PLEKHG5: variants seen among roughly 807,000 people sequenced by gnomAD.
The protein encoded by PLEKHG5 is pleckstrin homology and RhoGEF domain containing G5.
In PLEKHG5, 52 loss-of-function variants were observed where a neutral mutation model predicts 103.8. That is an observed-to-expected ratio of 0.50 (90% CI 0.40 to 0.63). The LOEUF (loss-of-function observed/expected upper bound fraction) is 0.63. PLEKHG5 is among the 30% of genes least tolerant of loss of function. The probability of loss-of-function intolerance (pLI) is 0.00; values close to 1 mark genes in which losing one functional copy is unlikely to be tolerated. For missense variants in PLEKHG5, 1,205 were observed against 1,347.6 expected, an observed-to-expected ratio of 0.89 and a Z score of 1.66; for synonymous variants, 592 against 575.5, an observed-to-expected ratio of 1.03 and a Z score of -0.41.
chr1:6,509,031 GC>G (rs1638404384), intron 1 of PLEKHG5, among the ~76,000 whole-genome samples: 1 of 152,208 alleles, frequency 6.6e-6, no homozygotes, highest in Non-Finnish European at 1.5e-5. Flanking sequence ...GGAGCTAGAG[GC>G]CCGAGAGAGG....
chr1:6,504,465 C>T (rs1035852832), intron 1 of PLEKHG5, among the ~76,000 whole-genome samples: 1 of 152,222 alleles, frequency 6.6e-6, no homozygotes, highest in Non-Finnish European at 1.5e-5. Context: ...CACATTCCCC[C>T]TCCTCCACAG....
At chr1:6,474,621 C>A (rs1311706675) in intron 5 of PLEKHG5, 34 bp from the exon 6 acceptor site, 3 of 1,611,596 alleles carry the variant, frequency 1.9e-6, no homozygotes, top group South Asian at 2.2e-5. Flanking sequence ...TGTGTTAGAA[C>A]CAGGCGGCCA....
chr1:6,485,835 C>T, intron 1 of PLEKHG5: 1 of 982,072 alleles, frequency 1.0e-6, no homozygotes, highest in Non-Finnish European at 1.2e-6. Context: ...GGTACCCCCA[C>T]CTCTGCGCCT....
chr1:6,471,924 C>T, intron 10 of PLEKHG5, 116 bp from the exon 11 acceptor site: 2 of 1,031,338 alleles, frequency 1.9e-6, no homozygotes, highest in Admixed American at 4.0e-5. Context: ...GGAGGCCCCA[C>T]AGCAGCCACG....
chr1:6,518,520 T>G (rs1184629342), intron 1 of PLEKHG5, among the ~76,000 whole-genome samples: 1 of 147,062 alleles, frequency 6.8e-6, no homozygotes, highest in Non-Finnish European at 1.5e-5. Context: ...TATCGCACCA[T>G]TGCACTCCAG....
chr1:6,474,652 G>A (rs926159758), intron 5 of PLEKHG5, 65 bp from the exon 6 acceptor site: 19 of 1,226,492 alleles, frequency 1.5e-5, no homozygotes, highest in South Asian at 5.5e-5. Flanking sequence ...CTTGGGCCCC[G>A]CCCCCACGAG....
At chr1:6,479,748 A>C (rs1271075523) in intron 1 of PLEKHG5, among the ~76,000 whole-genome samples, 1 of 152,060 alleles carries the variant, frequency 6.6e-6, no homozygotes, top group African/African-American at 2.4e-5. Flanking sequence ...GTAGCTGGGA[A>C]TACTAGGTGC....
intron 1 of PLEKHG5, among the ~76,000 whole-genome samples, chr1:6,513,497 C>T (rs941463362): frequency 1.4e-4 from 22 of 152,354 alleles, no homozygotes; most frequent in African/African-American, 4.8e-4. Context: ...GGGGAAGAGG[C>T]GGAAATGAAG....
chr1:6,490,379 A>AG lies in PLEKHG5; in HGVS notation c.-88+1257dup, dbSNP rs577960626. 1.0e-4 allele frequency: 88 copies of AG among 880,738 alleles called. No individual in the cohort carries two copies. The African/African-American group carries it at 1.5e-3, about 15-fold the overall frequency. 54.6% of individuals were successfully genotyped at this position (880,738 alleles called of 1,614,324 possible). A position where few individuals can be genotyped will look rare whatever the true frequency, so the allele number is the denominator to read the frequency against. ...GAATCCGGGTTCTGTCCATCGGTTTAGGGGGGTCCTGGCGCCTAGTCCCAC... is the reference window on the plus strand; with the variant it reads ...GAATCCGGGTTCTGTCCATCGGTTTAGGGGGGGTCCTGGCGCCTAGTCCCAC... On this transcript the variant is annotated intron_variant, in intron 1 of 20. Transcript: ENST00000377728. This position sits in a 1 kb window ranked among gnomAD's most constrained non-coding sequence, Gnocchi z 8.0.
In PLEKHG5 at chr1:6,490,950, G is replaced by A. The variant is rs531506938; in HGVS notation, c.-88+687C>T. 3.9e-5 allele frequency among the ~76,000 whole-genome samples: 6 copies of A among 152,302 alleles called. No individual in the cohort carries two copies. In the East Asian group the frequency reaches 1.2e-3, roughly 29 times the overall value. On this transcript the variant is annotated intron_variant, in intron 1 of 20. Transcript: ENST00000377728. This position sits in a 1 kb window ranked among gnomAD's most constrained non-coding sequence, Gnocchi z 8.0. ...TCCGCGCGACAGAAAAGCCCCGGGGGACCAGGCAGAGAGACCCGCAGGCCT... is the reference window on the plus strand; with the variant it reads ...TCCGCGCGACAGAAAAGCCCCGGGGAACCAGGCAGAGAGACCCGCAGGCCT...
chr1:6,509,174 T>C (rs1171246192), intron 1 of PLEKHG5, among the ~76,000 whole-genome samples: 1 of 152,210 alleles, frequency 6.6e-6, no homozygotes, highest in East Asian at 1.9e-4. Context: ...GTTTGTGCCC[T>C]CACGCGGGCT....
At chr1:6,496,290 C>T (rs1466909384), upstream of PLEKHG5, among the ~76,000 whole-genome samples, 1 of 152,224 alleles carries the variant, frequency 6.6e-6, no homozygotes, top group African/African-American at 2.4e-5. Context: ...TGTAGAAGTC[C>T]CCCGACTCCA....
Position 6,477,790 on chromosome 1 carries a change from C to A in PLEKHG5, c.-87-132G>T, listed in dbSNP as rs981298898. On this transcript the variant is annotated intron_variant, in intron 1 of 20. Coordinates refer to ENST00000377728, the MANE Select transcript of PLEKHG5 (RefSeq NM_020631.6). ...TCCAGGGTGAGGAGACGCCCCCCAG[C>A]AGTCCCCCCTCTCCCACATCATCAA... is the stretch of plus-strand genomic sequence containing the variant. 9.4e-6 allele frequency: 8 copies of A among 851,584 alleles called. No individual in the cohort carries two copies. In the Admixed American group the frequency reaches 1.7e-4, roughly 18 times the overall value. The allele number at this position is 851,584 out of a possible 1,614,324, so 52.8% of individuals were successfully genotyped here.
At chr1:6,516,786 T>TA (rs200942738) in intron 1 of PLEKHG5, among the ~76,000 whole-genome samples, 3,331 of 85,198 alleles carry the variant, frequency 0.039, 147 homozygotes, top group African/African-American at 0.11. Flanking sequence ...TGTGTGTGTG[T>TA]TATATATATG....
Position 6,477,597 on chromosome 1 carries a change from G to A in PLEKHG5, c.-26C>T, listed in dbSNP as rs375424537. Reference sequence around the variant, plus strand: ...GGTGCTGTGGAACTTGCTGTCACAGGCCTCGCAGAGGTTGAGGGGCCCCCG... The same window carrying A: ...GGTGCTGTGGAACTTGCTGTCACAGACCTCGCAGAGGTTGAGGGGCCCCCG... On this transcript the variant is annotated 5_prime_UTR_variant, in exon 2 of 21. Coordinates refer to ENST00000377728, the MANE Select transcript of PLEKHG5 (RefSeq NM_020631.6). The A allele has an allele frequency of 1.9e-6, 3 of 1,611,538 alleles. No homozygotes were observed. In the African/African-American group the frequency reaches 4.0e-5, roughly 22 times the overall value.
At chr1:6,489,923 A>G (rs1645115469) in intron 1 of PLEKHG5, among the ~76,000 whole-genome samples, 1 of 152,136 alleles carries the variant, frequency 6.6e-6, no homozygotes, top group Admixed American at 6.5e-5. Context: ...CTTGGCCTCC[A>G]TTTCCCAGAC....
chr1:6,470,372 T>C lies in PLEKHG5; in HGVS notation c.1681-17A>G. The C allele has an allele frequency of 1.2e-6, 2 of 1,613,774 alleles. No individual in the cohort carries two copies. Among genetic ancestry groups the C allele is most frequent in the Non-Finnish European group, 1.7e-6 (2 of 1,179,952 alleles). Reference sequence around the variant, plus strand: ...CTTCAGGAGCTGGGGACGGATGGCGTGAACGTAGGGGAGGCCAGAGACTGA... The same window carrying C: ...CTTCAGGAGCTGGGGACGGATGGCGCGAACGTAGGGGAGGCCAGAGACTGA... On this transcript the variant is annotated splice_polypyrimidine_tract_variant and intron_variant, in intron 15 of 20. Transcript: ENST00000377728.
chr1:6,496,721 T>C (rs999870262), upstream of PLEKHG5: 4 of 578,410 alleles, frequency 6.9e-6, no homozygotes, highest in Admixed American at 3.7e-5. Flanking sequence ...TGCCAACTTA[T>C]CTGCACGGGA....
At position 6,475,342 on chromosome 1, in the gene PLEKHG5, CCAGACCTCTGCACCCTGGGATG is replaced by C. The variant is rs578018513; in HGVS notation, c.210+98_210+119del. ...CAAGAAAGGGAACCCCAGCGATCTC[CCAGACCTCTGCACCCTGGGATG>C]CAGACCTCCCCACCCCCATCCCGGA... On this transcript the variant is annotated intron_variant, in intron 4 of 20. Transcript: ENST00000377728. 2.9e-4 allele frequency: 258 copies of C among 899,858 alleles called. No individual in the cohort carries two copies. In the African/African-American group the frequency reaches 3.7e-3, roughly 13 times the overall value. The allele number at this position is 899,858 out of a possible 1,614,324, so 55.7% of individuals were successfully genotyped here.
Sources: gnomAD v4.1 joint callset for allele counts (sites outside exome capture counted in the v4.1 genomes callset) on GRCh38, gnomAD v4.1.1 for gene constraint, Gnocchi (gnomAD v3.1) non-coding constraint, MANE v1.5 for transcripts, NCBI Gene and HGNC (gene_info 2026-07-23, HGNC 2026-07-21) for gene names.